DSE: variants seen among roughly 807,000 people sequenced by gnomAD.
DSE encodes dermatan sulfate epimerase.
Under a neutral mutation model 84.4 loss-of-function variants are expected in DSE, and 36 were observed. The ratio of observed to expected loss-of-function variants is 0.43; its 90% CI spans 0.33 to 0.56. DSE has a LOEUF of 0.56. Ranked by LOEUF, DSE falls within the 20% of genes least tolerant of loss-of-function variation. DSE has a pLI of 0.06. For missense variants in DSE, 862 were observed against 1,169.6 expected (o/e 0.74, Z 3.84); for synonymous variants, 410 against 430.1 (o/e 0.95, Z 0.58).
intron 1 of DSE, among the ~76,000 whole-genome samples, chr6:116,397,187 G>T (rs1365239882): frequency 1.3e-5 from 2 of 148,862 alleles, no homozygotes; most frequent in African/African-American, 2.5e-5. Context: ...ATCGTTAGCG[G>T]TATATTATTC....
chr6:116,287,880 G>A (rs1473550063), intron 2 of DSE, among the ~76,000 whole-genome samples: 5 of 152,052 alleles, frequency 3.3e-5, no homozygotes, highest in Non-Finnish European at 5.9e-5. Flanking sequence ...CTCACTAGAG[G>A]GAGCAACTGG....
chr6:116,345,535 A>G (rs968870225), intron 2 of DSE, among the ~76,000 whole-genome samples: 22 of 152,370 alleles, frequency 1.4e-4, no homozygotes, highest in Middle Eastern at 3.4e-3. Context: ...ACATAACGAA[A>G]TGAAGGCAGA....
chr6:116,359,119 TAATA>T (rs994678755), intron 2 of DSE, among the ~76,000 whole-genome samples: 3 of 152,086 alleles, frequency 2.0e-5, no homozygotes, highest in African/African-American at 4.8e-5. Context: ...TCTGAAACTT[TAATA>T]TATATATATT....
At chr6:116,341,314 C>G (rs1583049652) in intron 2 of DSE, among the ~76,000 whole-genome samples, 1 of 152,290 alleles carries the variant, frequency 6.6e-6, no homozygotes. Flanking sequence ...CCTTCACCCA[C>G]TTTTCGATGG....
In DSE at chr6:116,399,298, G is replaced by A. The variant is rs772441990; in HGVS notation, c.48G>A (p.Leu16=). ...RGAPSVFFIY[L]LCFVSAYITD... ...CTCCCAGTGTGTTTTTCATATATTT[G>A]CTTTGCTTTGTGTCAGCCTACATCA... Residue 16 remains leucine (L), a synonymous_variant, in exon 2 of 6, where the codon TTG becomes TTA. Transcript: ENST00000644252. 4 of 1,613,942 alleles carry A rather than the reference G, an allele frequency of 2.5e-6. No homozygotes were observed. The highest frequency in any genetic ancestry group is 2.5e-6 in the Non-Finnish European group (3 of 1,180,002).
intron 2 of DSE, among the ~76,000 whole-genome samples, chr6:116,360,658 C>T (rs527846806): frequency 2.6e-5 from 4 of 152,318 alleles, no homozygotes; most frequent in African/African-American, 9.6e-5. Flanking sequence ...ACGTTGGCCG[C>T]ATCATAATTC....
At chr6:116,410,049 C>T (rs1782209761) in intron 2 of DSE, among the ~76,000 whole-genome samples, 1 of 152,142 alleles carries the variant, frequency 6.6e-6, no homozygotes, top group African/African-American at 2.4e-5. Context: ...TATAAAGGAG[C>T]TTGGACTTTT....
chr6:116,289,640 A>C (rs991858585), intron 2 of DSE, among the ~76,000 whole-genome samples: 1 of 152,078 alleles, frequency 6.6e-6, no homozygotes, highest in East Asian at 1.9e-4. Flanking sequence ...AAAAAAATAA[A>C]AATAATAAAA....
chr6:116,391,976 A>T (rs534461935), intron 1 of DSE, among the ~76,000 whole-genome samples: 1 of 152,322 alleles, frequency 6.6e-6, no homozygotes, highest in African/African-American at 2.4e-5. Flanking sequence ...TTACTTTGGT[A>T]TTGAGGAAAC....
chr6:116,294,432 T>G (rs1774526554), intron 2 of DSE, among the ~76,000 whole-genome samples: 1 of 152,230 alleles, frequency 6.6e-6, no homozygotes, highest in African/African-American at 2.4e-5. Context: ...AGTAACAGAT[T>G]CATTGTAAAA....
chr6:116,288,761 AT>A (rs1774092516), intron 2 of DSE, among the ~76,000 whole-genome samples: 1 of 152,112 alleles, frequency 6.6e-6, no homozygotes, highest in South Asian at 2.1e-4. Flanking sequence ...ACATTTCATC[AT>A]GGCAAGAAGT....
At chr6:116,320,381 T>TA (rs1165286402) in intron 2 of DSE, among the ~76,000 whole-genome samples, 1 of 150,570 alleles carries the variant, frequency 6.6e-6, no homozygotes, top group East Asian at 2.0e-4. Flanking sequence ...AATTTTTTTT[T>TA]ATCCTCCTTC....
chr6:116,259,241 T>A lies in DSE; in HGVS notation c.-54+274T>A, dbSNP rs1023753659. On this transcript the variant is annotated intron_variant, in intron 2 of 3. Coordinates refer to the DSE transcript ENST00000430252. Reference sequence around the variant, plus strand: ...TAAAAGGAAAGTAATTTTTAAAATATCTATTTTAAAATATAAATGCTTTGA... The same window carrying A: ...TAAAAGGAAAGTAATTTTTAAAATAACTATTTTAAAATATAAATGCTTTGA... 1.0e-5 allele frequency: 6 copies of A among 601,202 alleles called. No homozygotes were observed. In the African/African-American group the frequency reaches 1.1e-4, roughly 11 times the overall value. 37.2% of individuals were successfully genotyped at this position (601,202 alleles called of 1,614,324 possible).
chr6:116,347,085 G>A (rs959955799), intron 2 of DSE, among the ~76,000 whole-genome samples: 4 of 152,250 alleles, frequency 2.6e-5, no homozygotes, highest in Middle Eastern at 3.4e-3. Context: ...ACTTCTTATG[G>A]AGAACTACAG....
intron 2 of DSE, among the ~76,000 whole-genome samples, chr6:116,297,255 TGGA>T (rs1262961567): frequency 6.6e-6 from 1 of 152,114 alleles, no homozygotes; most frequent in Non-Finnish European, 1.5e-5. Flanking sequence ...AGATGGGAGT[TGGA>T]GGAGGAACAT....
At chr6:116,369,013 G>T (rs1779343581), upstream of DSE, among the ~76,000 whole-genome samples, 1 of 152,070 alleles carries the variant, frequency 6.6e-6, no homozygotes, top group Non-Finnish European at 1.5e-5. Context: ...GCAAAATTGT[G>T]GGGGGTGTGA....
chr6:116,370,172 T>G (rs1039298183), upstream of DSE: 1 of 327,094 alleles, frequency 3.1e-6, no homozygotes, highest in African/African-American at 2.2e-5. Flanking sequence ...CACCTGAACT[T>G]GGGTGCATGA....
intron 2 of DSE, among the ~76,000 whole-genome samples, chr6:116,282,062 T>C (rs1183394236): frequency 3.9e-5 from 6 of 152,228 alleles, no homozygotes; most frequent in Non-Finnish European, 2.9e-5. Context: ...TGAGTTTACA[T>C]ATCAAAGCCT....
intron 1 of DSE, among the ~76,000 whole-genome samples, chr6:116,382,059 G>GTGTGTGTGTGTA (rs1407166981): frequency 6.6e-6 from 1 of 151,762 alleles, no homozygotes; most frequent in African/African-American, 2.4e-5. Context: ...GTGTGTGTGT[G>GTGTGTGTGTGTA]TGTGTGTGTG....
Sources: gnomAD v4.1 joint callset for allele counts (sites outside exome capture counted in the v4.1 genomes callset) on GRCh38, gnomAD v4.1.1 for gene constraint, MANE v1.5 for transcripts, NCBI Gene and HGNC (gene_info 2026-07-23, HGNC 2026-07-21) for gene names.